Variants in ANKRD11 observed in about 807,000 individuals in gnomAD.
ANKRD11 encodes ankyrin repeat domain-containing protein 11.
In ANKRD11, 17 loss-of-function variants were observed where a neutral mutation model predicts 195.7. That is an observed-to-expected ratio of 0.09 (90% confidence interval 0.06 to 0.13). The LOEUF (loss-of-function observed/expected upper bound fraction) is 0.13, where lower values mean the gene tolerates loss of function less well. Among genes scored for constraint, ANKRD11 ranks in the 10% least tolerant of loss-of-function variants. The pLI, the probability that ANKRD11 is intolerant of heterozygous loss-of-function variation, is 1.00. For missense variants in ANKRD11, 3,735 were observed against 3,566.1 expected (o/e 1.05, Z -1.21); for synonymous variants, 1,953 against 1,528.1 (o/e 1.28, Z -6.49).
intron 12 of ANKRD11, among the ~76,000 whole-genome samples, chr16:89,269,211 A>G (rs2151665429): frequency 6.6e-6 from 1 of 152,230 alleles, no homozygotes. Flanking sequence ...GCTGGAGTGC[A>G]GTGGTGCAAT....
At position 89,334,188 on chromosome 16, in the gene ANKRD11, A is replaced by G. The variant is rs375640918; in HGVS notation, c.-59-17110T>C. Among the ~76,000 whole-genome samples the G allele has an allele frequency of 9.2e-3, 1,375 of 149,908 alleles. 34 individuals are homozygous for G. The highest frequency in any genetic ancestry group is 0.032 in the African/African-American group (1,279 of 40,178). ...AAAAAAAAAAACAGAGAGAGAGAGA[A>G]AGAAAGAAAAAACACTGTTCCCAAG... On this transcript the variant is annotated intron_variant, in intron 2 of 12. Coordinates refer to ENST00000301030, the MANE Select transcript of ANKRD11 (RefSeq NM_013275.6).
intron 2 of ANKRD11, among the ~76,000 whole-genome samples, chr16:89,332,964 T>TG (rs1365258105): frequency 6.6e-6 from 1 of 152,262 alleles, no homozygotes; most frequent in Non-Finnish European, 1.5e-5. Context: ...ACAGCGGGGC[T>TG]GCTCCACGCT....
chr16:89,301,125 T>C (rs778846148), intron 4 of ANKRD11, among the ~76,000 whole-genome samples: 10 of 152,172 alleles, frequency 6.6e-5, no homozygotes, highest in East Asian at 1.9e-4. Flanking sequence ...TTATTTTTTA[T>C]GGACAGGGTC....
intron 2 of ANKRD11, among the ~76,000 whole-genome samples, chr16:89,407,278 CAT>C (rs1464724458): frequency 4.6e-5 from 7 of 151,486 alleles, no homozygotes; most frequent in Non-Finnish European, 1.0e-4. Flanking sequence ...GAAAAAGACT[CAT>C]ATTTTTATAT....
At chr16:89,484,737 A>G (rs1329635957) in intron 1 of ANKRD11, among the ~76,000 whole-genome samples, 2 of 152,226 alleles carry the variant, frequency 1.3e-5, no homozygotes, top group Admixed American at 6.5e-5. Context: ...AGAGTTAAGT[A>G]ATGAAGGGGA....
rs1042436410 is a variant in ANKRD11 at position 89,374,641 on chromosome 16, C to T, written c.-60+43643G>A. Among the ~76,000 whole-genome samples, 8 of 152,160 alleles carry T rather than the reference C, an allele frequency of 5.3e-5. No individual in the cohort carries two copies. The East Asian group carries it at 9.6e-4, about 18-fold the overall frequency. ...GGGAACAGCTGCTCGGGCCATCTCC[C>T]GCGTGCTACGATCAGAGGAGAAAAG... On this transcript the variant is annotated intron_variant, in intron 2 of 12. Transcript: ENST00000301030.
chr16:89,460,387 G>A lies in ANKRD11; in HGVS notation c.-145+29858C>T, dbSNP rs530331134. 4.6e-4 allele frequency among the ~76,000 whole-genome samples: 70 copies of A among 151,624 alleles called. 1 individual carries two copies. The Middle Eastern group carries it at 0.021, about 45-fold the overall frequency. ...AGCCTGGCCAATATGGCAAAACCCC[G>A]TCTCCACTAAAAATACAAAAAATTA... On this transcript the variant is annotated intron_variant, in intron 1 of 12. Coordinates refer to ENST00000301030, the MANE Select transcript of ANKRD11 (RefSeq NM_013275.6).
At chr16:89,465,742 G>A (rs1392865908) in intron 1 of ANKRD11, among the ~76,000 whole-genome samples, 5 of 152,024 alleles carry the variant, frequency 3.3e-5, no homozygotes, top group Admixed American at 6.6e-5. Context: ...TCGGAGTCTC[G>A]CTCTGTCGCC....
Position 89,268,571 on chromosome 16 carries a change from G to T in ANKRD11, c.7899C>A (p.Pro2633=). ...TCACGCACAGGGACTTGTGCCCGGC[G>T]GGGTCCAGTTCCTGCACCTTCAGCT... ...EWQLKVQELD[P]AGHKSLCVNE... Residue 2633 remains proline, a synonymous_variant, in exon 13 of 13, where the codon CCC becomes CCA. Coordinates refer to ENST00000301030, the MANE Select transcript of ANKRD11 (RefSeq NM_013275.6). The T allele has an allele frequency of 1.3e-6, 2 of 1,532,492 alleles. No individual in the cohort carries two copies. Among genetic ancestry groups the T allele is most frequent in the Non-Finnish European group, 1.8e-6 (2 of 1,131,294 alleles). The allele number at this position is 1,532,492 out of a possible 1,614,324, so 94.9% of individuals were successfully genotyped here. A position where few individuals can be genotyped will look rare whatever the true frequency, so the allele number is the denominator to read the frequency against.
intron 3 of ANKRD11, among the ~76,000 whole-genome samples, chr16:89,309,649 G>T (rs866912808): frequency 2.6e-5 from 4 of 152,220 alleles, no homozygotes; most frequent in African/African-American, 9.6e-5. Flanking sequence ...CCAGGAAGGC[G>T]GCTCCCATCC....
At chr16:89,459,648 T>C (rs1004556376) in intron 1 of ANKRD11, among the ~76,000 whole-genome samples, 2 of 152,186 alleles carry the variant, frequency 1.3e-5, no homozygotes, top group African/African-American at 4.8e-5. Context: ...CAACTGATCG[T>C]GTTCTATAAA....
chr16:89,285,534 T>G lies in ANKRD11; in HGVS notation c.1008A>C (p.Pro336=), dbSNP rs1215881898. The change falls in exon 9 of 13, where the codon CCA becomes CCC. Residue 336 remains proline, a synonymous_variant. Coordinates refer to ENST00000301030, the MANE Select transcript of ANKRD11 (RefSeq NM_013275.6). The surrounding 1 kb of genome is among the most constrained non-coding windows in gnomAD (Gnocchi z 5.6). ...GLKHKAKNPE[P]QKATAPVKDE... Reference sequence around the variant, plus strand: ...CCTTGACGGGGGCCGTGGCCTTCTGTGGCTCTGGGTTCTTGGCCTTGTGCT... The same window carrying G: ...CCTTGACGGGGGCCGTGGCCTTCTGGGGCTCTGGGTTCTTGGCCTTGTGCT... 2 of 1,613,876 alleles carry G rather than the reference T, an allele frequency of 1.2e-6. No individual in the cohort carries two copies. Among genetic ancestry groups the G allele is most frequent in the Non-Finnish European group, 1.7e-6 (2 of 1,179,924 alleles).
rs954886200 is a variant in ANKRD11, at chr16:89,461,193, C to A, written c.-145+29052G>T. 2.7e-4 allele frequency among the ~76,000 whole-genome samples: 30 copies of A among 111,502 alleles called. 1 individual carries two copies. Among genetic ancestry groups the A allele is most frequent in the African/African-American group, 9.5e-4 (29 of 30,480 alleles). The allele number at this position is 111,502 out of a possible 152,430, so 73.1% of individuals were successfully genotyped here. On this transcript the variant is annotated intron_variant, in intron 1 of 12. Coordinates refer to ENST00000301030, the MANE Select transcript of ANKRD11 (RefSeq NM_013275.6). ...AAATATCGTATGACCCCCCCCCCCC[C>A]CTTATAGGAGAGGTGCCTTGAGTGG...
chr16:89,372,312 C>T (rs1462329002), intron 2 of ANKRD11, among the ~76,000 whole-genome samples: 3 of 152,202 alleles, frequency 2.0e-5, no homozygotes, highest in East Asian at 1.9e-4. Flanking sequence ...GCGGCGGCAG[C>T]GCCCAGCGAC....
chr16:89,443,436 C>T (rs2043623229), intron 1 of ANKRD11: 1 of 152,118 alleles, frequency 6.6e-6, no homozygotes, highest in Non-Finnish European at 1.5e-5. Flanking sequence ...AAAAAACACA[C>T]ACAGATTGGG....
At chr16:89,286,525 G>T in intron 7 of ANKRD11, 1 of 566,924 alleles carries the variant, frequency 1.8e-6, no homozygotes, top group Non-Finnish European at 2.7e-6. Flanking sequence ...TCTCACGAAG[G>T]CTCTCCCCTC....
chr16:89,457,816 TTATA>T (rs2056503595), intron 1 of ANKRD11, among the ~76,000 whole-genome samples: 1 of 152,108 alleles, frequency 6.6e-6, no homozygotes, highest in Non-Finnish European at 1.5e-5. Flanking sequence ...GCTGCTTTTA[TTATA>T]TAAAGTATAC....
intron 3 of ANKRD11, 89 bp from the exon 4 acceptor site, chr16:89,305,433 A>G (rs1445113491): frequency 1.3e-6 from 2 of 1,561,124 alleles, no homozygotes; most frequent in Non-Finnish European, 1.8e-6. Context: ...GGAGAAGCGC[A>G]TCTCTTATTT....
chr16:89,382,472 C>A (rs1365115539), intron 2 of ANKRD11, among the ~76,000 whole-genome samples: 1 of 150,114 alleles, frequency 6.7e-6, no homozygotes. Context: ...ATCACAGGTG[C>A]GTGCCACCAA....
Sources: allele counts gnomAD v4.1 joint callset (sites outside exome capture counted in the v4.1 genomes callset), GRCh38; gene constraint gnomAD v4.1.1; non-coding constraint Gnocchi (gnomAD v3.1); transcripts MANE v1.5; gene names NCBI Gene and HGNC (gene_info 2026-07-23, HGNC 2026-07-21).